CACNA2D3: variants seen among roughly 807,000 people sequenced by gnomAD.
CACNA2D3 encodes the protein voltage-dependent calcium channel subunit alpha-2/delta-3.
CACNA2D3 carries 60 observed loss-of-function variants against 160.6 expected under a neutral mutation model. That is an observed-to-expected ratio of 0.37 (90% CI 0.30 to 0.46). The LOEUF (loss-of-function observed/expected upper bound fraction) is 0.46. Ranked by LOEUF, CACNA2D3 falls within the 20% of genes least tolerant of loss-of-function variation. The pLI is 1.00. For synonymous variants in CACNA2D3, 558 were observed against 492.9 expected (o/e 1.13, Z -1.75); for missense variants, 1,205 against 1,365.0 (o/e 0.88, Z 1.85).
At chr3:54,541,823 A>AT (rs1298946973) in intron 5 of CACNA2D3, among the ~76,000 whole-genome samples, 1 of 152,164 alleles carries the variant, frequency 6.6e-6, no homozygotes, top group East Asian at 1.9e-4. Context: ...CATTGATGAA[A>AT]TTTAAATAAG....
chr3:54,451,229 C>CTATTTTTTT (rs1700301755), intron 4 of CACNA2D3, among the ~76,000 whole-genome samples: 1 of 51,732 alleles, frequency 1.9e-5, no homozygotes, highest in Non-Finnish European at 3.2e-5. Flanking sequence ...ATATAATAAT[C>CTATTTTTTT]TTTTTTTTTT....
intron 13 of CACNA2D3, among the ~76,000 whole-genome samples, chr3:54,786,665 T>TA: frequency 6.6e-6 from 1 of 152,288 alleles, no homozygotes; most frequent in Non-Finnish European, 1.5e-5. Flanking sequence ...GTTTAAATCT[T>TA]AAAAAACTGT....
chr3:54,931,665 A>G (rs1701195090), intron 27 of CACNA2D3, among the ~76,000 whole-genome samples: 1 of 152,168 alleles, frequency 6.6e-6, no homozygotes, highest in Non-Finnish European at 1.5e-5. Flanking sequence ...CGTAGAGTAA[A>G]ATTGTGTTTA....
chr3:54,815,442 A>T (rs1216096136), intron 13 of CACNA2D3, among the ~76,000 whole-genome samples: 1 of 152,206 alleles, frequency 6.6e-6, no homozygotes, highest in Non-Finnish European at 1.5e-5. Flanking sequence ...GTCTTCTTTT[A>T]TCAGAAGAGA....
chr3:54,378,910 C>G (rs560088271), intron 3 of CACNA2D3, among the ~76,000 whole-genome samples: 1 of 152,152 alleles, frequency 6.6e-6, no homozygotes, highest in Non-Finnish European at 1.5e-5. Flanking sequence ...TGCAAATTGG[C>G]CATTCACACT....
At chr3:54,615,705 G>A (rs943193107) in intron 9 of CACNA2D3, among the ~76,000 whole-genome samples, 1 of 152,210 alleles carries the variant, frequency 6.6e-6, no homozygotes. Flanking sequence ...GTTATCTGCT[G>A]TTGTGGAACA....
chr3:55,038,962 G>T (rs1703897057), intron 35 of CACNA2D3, among the ~76,000 whole-genome samples: 1 of 148,216 alleles, frequency 6.7e-6, no homozygotes, highest in South Asian at 2.2e-4. Context: ...AAGCTGGGAG[G>T]TTGGGGGGAT....
intron 2 of CACNA2D3, among the ~76,000 whole-genome samples, chr3:54,188,268 CAAAA>C (rs763126973): frequency 4.9e-4 from 65 of 131,490 alleles, no homozygotes; most frequent in African/African-American, 1.5e-3. Flanking sequence ...AACAAACAAA[CAAAA>C]AAACCAGTAG....
At chr3:54,628,008 G>A (rs532358587) in intron 10 of CACNA2D3, 132 bp downstream of exon 10, 28 of 663,774 alleles carry the variant, frequency 4.2e-5, no homozygotes, top group African/African-American at 7.1e-5. Context: ...CGAGATGGGC[G>A]GATCATGAGG....
At chr3:54,231,273 A>T (rs527874235) in intron 2 of CACNA2D3, among the ~76,000 whole-genome samples, 14 of 152,268 alleles carry the variant, frequency 9.2e-5, no homozygotes, top group African/African-American at 2.6e-4. Flanking sequence ...GGCTGGGTAG[A>T]AGTTCTTAAG....
At chr3:54,742,724 C>T (rs1701678420) in intron 11 of CACNA2D3, among the ~76,000 whole-genome samples, 1 of 152,158 alleles carries the variant, frequency 6.6e-6, no homozygotes, top group Admixed American at 6.5e-5. Context: ...CTGAAGCAGG[C>T]AGTTATTTAA....
chr3:54,757,286 T>C (rs925968751), intron 12 of CACNA2D3, among the ~76,000 whole-genome samples: 2 of 152,188 alleles, frequency 1.3e-5, no homozygotes, highest in Non-Finnish European at 2.9e-5. Flanking sequence ...AAATGCCACA[T>C]GTGTTGTCGT....
At chr3:54,601,920 C>T (rs1479734546) in intron 9 of CACNA2D3, among the ~76,000 whole-genome samples, 4 of 151,994 alleles carry the variant, frequency 2.6e-5, no homozygotes, top group African/African-American at 9.7e-5. Flanking sequence ...TTGTGAAGGA[C>T]TCTGTGCCCA....
chr3:54,346,508 T>C (rs1157864615), intron 3 of CACNA2D3, among the ~76,000 whole-genome samples: 4 of 152,222 alleles, frequency 2.6e-5, no homozygotes, highest in Non-Finnish European at 5.9e-5. Flanking sequence ...TTTCTTCTCA[T>C]GTGGTCTTAA....
chr3:54,127,631 G>A (rs192858709), intron 2 of CACNA2D3, among the ~76,000 whole-genome samples: 1 of 152,304 alleles, frequency 6.6e-6, no homozygotes, highest in Admixed American at 6.5e-5. Flanking sequence ...AATGATAAAT[G>A]CGTTCAACCT....
intron 27 of CACNA2D3, among the ~76,000 whole-genome samples, chr3:54,929,511 C>T (rs1195844604): frequency 6.6e-6 from 1 of 152,176 alleles, no homozygotes; most frequent in Non-Finnish European, 1.5e-5. Flanking sequence ...ACAACCTGTA[C>T]TTTGTGGACT....
At chr3:54,451,727 C>A (rs1700312076) in intron 4 of CACNA2D3, among the ~76,000 whole-genome samples, 1 of 152,148 alleles carries the variant, frequency 6.6e-6, no homozygotes, top group South Asian at 2.1e-4. Context: ...TTATCACTTT[C>A]CTCTCACATA....
At chr3:54,421,349 T>C (rs1699833657) in intron 4 of CACNA2D3, among the ~76,000 whole-genome samples, 1 of 152,236 alleles carries the variant, frequency 6.6e-6, no homozygotes, top group Non-Finnish European at 1.5e-5. Context: ...TCTAGAATAT[T>C]TTTCCTGAGA....
In CACNA2D3 at chr3:54,269,377, CT is replaced by C. The variant is rs373592194; in HGVS notation, c.205-51062del. On this transcript the variant is annotated intron_variant, in intron 2 of 37. Transcript: ENST00000474759. ...TCTTTTGTTCTGGTGTGAGTTTCCT[CT>C]TTCTCCCATCCCTTTGTTGCATTCC... 1.5e-4 allele frequency among the ~76,000 whole-genome samples: 22 copies of C among 151,164 alleles called. No individual in the cohort carries two copies. In the South Asian group the frequency reaches 1.7e-3, roughly 12 times the overall value.
Sources: gnomAD v4.1 joint callset for allele counts (sites outside exome capture counted in the v4.1 genomes callset) on GRCh38, gnomAD v4.1.1 for gene constraint, MANE v1.5 for transcripts, NCBI Gene and HGNC (gene_info 2026-07-23, HGNC 2026-07-21) for gene names.